Variants in TMEM45B observed in about 807,000 individuals in gnomAD.
TMEM45B encodes the protein transmembrane protein 45B.
A neutral mutation model predicts 27.3 loss-of-function variants in TMEM45B; 29 were observed. The observed-to-expected ratio is 1.06, with a 90% CI of 0.79 to 1.45. The LOEUF is 1.45. Ranked by LOEUF, TMEM45B falls within the 40% of genes most tolerant of loss-of-function variation. The probability of loss-of-function intolerance (pLI) is 0.00; values close to 1 mark genes in which losing one functional copy is unlikely to be tolerated. For synonymous variants in TMEM45B, 143 were observed against 134.7 expected (o/e 1.06, Z -0.43); for missense variants, 348 against 343.9 (o/e 1.01, Z -0.09).
chr11:129,818,766 C>T (rs955808262), intron 1 of TMEM45B, among the ~76,000 whole-genome samples: 1 of 152,176 alleles, frequency 6.6e-6, no homozygotes, highest in Non-Finnish European at 1.5e-5. Flanking sequence ...CATATAATTA[C>T]AAAAATATCT....
chr11:129,818,645 G>C (rs1947380331), intron 1 of TMEM45B, among the ~76,000 whole-genome samples: 1 of 152,194 alleles, frequency 6.6e-6, no homozygotes, highest in Admixed American at 6.5e-5. Flanking sequence ...TTTTGTGATG[G>C]AAGATTGTGA....
intron 4 of TMEM45B, 136 bp from the exon 5 acceptor site, chr11:129,857,177 C>T (rs1280444388): frequency 2.9e-6 from 3 of 1,023,512 alleles, no homozygotes; most frequent in Non-Finnish European, 4.3e-6. Flanking sequence ...TGTGAAAAGG[C>T]CTTTCTATGC....
intron 1 of TMEM45B, among the ~76,000 whole-genome samples, chr11:129,824,745 T>C (rs1947458763): frequency 6.6e-6 from 1 of 152,284 alleles, no homozygotes; most frequent in Admixed American, 6.5e-5. Flanking sequence ...TATGTCACTA[T>C]ATAATTTTAA....
At chr11:129,844,186 A>G (rs971779234) in intron 1 of TMEM45B, among the ~76,000 whole-genome samples, 1 of 152,236 alleles carries the variant, frequency 6.6e-6, no homozygotes, top group Non-Finnish European at 1.5e-5. Context: ...TACTAAGGGA[A>G]ATAAGCCAGA....
chr11:129,833,246 T>TTA (rs1947574203), intron 1 of TMEM45B, among the ~76,000 whole-genome samples: 2 of 99,304 alleles, frequency 2.0e-5, no homozygotes, highest in African/African-American at 6.7e-5. Flanking sequence ...TCTCAAAAAA[T>TTA]AAACAGAAAA....
At chr11:129,827,365 T>C (rs1470096440) in intron 1 of TMEM45B, among the ~76,000 whole-genome samples, 1 of 152,234 alleles carries the variant, frequency 6.6e-6, no homozygotes, top group East Asian at 1.9e-4. Flanking sequence ...TGTTAGCAGA[T>C]GCTGAAGGGA....
rs1226109845 is a variant in TMEM45B, at chr11:129,852,157, CTTTATG to C, written c.-8-311_-8-306del. Among the ~76,000 whole-genome samples the C allele has an allele frequency of 3.3e-5, 5 of 152,274 alleles. No individual in the cohort carries two copies. The East Asian group carries it at 7.7e-4, about 23-fold the overall frequency. On this transcript the variant is annotated intron_variant, in intron 1 of 5. Coordinates refer to ENST00000281441, the MANE Select transcript of TMEM45B (RefSeq NM_138788.5). The stretch of plus-strand genomic sequence containing the variant: ...AACGTTTTTCTTTTCTAGTTCCCCC[CTTTATG>C]TTTATGGCTTGGAAGTTTTCTCTAT...
intron 1 of TMEM45B, among the ~76,000 whole-genome samples, chr11:129,850,869 A>G (rs1423494238): frequency 1.3e-5 from 2 of 152,034 alleles, no homozygotes; most frequent in African/African-American, 2.4e-5. Context: ...TTTTTTCAGC[A>G]CTCACTTCAA....
intron 1 of TMEM45B, among the ~76,000 whole-genome samples, chr11:129,838,647 C>CT (rs1182685006): frequency 6.6e-5 from 10 of 152,054 alleles, no homozygotes; most frequent in Admixed American, 5.9e-4. Flanking sequence ...GTGGTTGGAA[C>CT]TGAGTAGAGG....
chr11:129,848,499 C>T (rs572746516), intron 1 of TMEM45B, among the ~76,000 whole-genome samples: 3 of 148,826 alleles, frequency 2.0e-5, no homozygotes, highest in East Asian at 1.9e-4. Context: ...AAAGGGAGAC[C>T]GTGGAAAGAG....
At chr11:129,844,457 G>A (rs934512096) in intron 1 of TMEM45B, among the ~76,000 whole-genome samples, 18 of 152,286 alleles carry the variant, frequency 1.2e-4, no homozygotes, top group Admixed American at 3.9e-4. Context: ...AGTTTGAGGC[G>A]AGAGAATAGC....
intron 2 of TMEM45B, among the ~76,000 whole-genome samples, chr11:129,854,348 T>C (rs917549306): frequency 6.6e-6 from 1 of 152,162 alleles, no homozygotes; most frequent in African/African-American, 2.4e-5. Flanking sequence ...GTGTGTGTGG[T>C]TGTGTTCATT....
chr11:129,859,645 C>T lies in TMEM45B; in HGVS notation c.*960C>T, dbSNP rs1255238040. 3 of 151,960 alleles carry T rather than the reference C, an allele frequency of 2.0e-5. No homozygotes were observed. The highest frequency in any genetic ancestry group is 4.4e-5 in the Non-Finnish European group (3 of 68,052). 9.4% of individuals were successfully genotyped at this position (151,960 alleles called of 1,614,324 possible). ...ACCATCCTGGCTAACATGGTGAAAC[C>T]CCGTCTCTACTGAAAATACAAAAAA... is the stretch of plus-strand genomic sequence containing the variant. On this transcript the variant is annotated 3_prime_UTR_variant, in exon 6 of 6. Transcript: ENST00000281441.
chr11:129,855,342 G>A (rs1245238636), intron 3 of TMEM45B, among the ~76,000 whole-genome samples: 1 of 151,646 alleles, frequency 6.6e-6, no homozygotes, highest in Non-Finnish European at 1.5e-5. Flanking sequence ...ACTGGGGTAT[G>A]AAAATACATT....
chr11:129,837,777 C>CTTTTTTTTTTTTTT (rs1159669879), intron 1 of TMEM45B, among the ~76,000 whole-genome samples: 1 of 69,026 alleles, frequency 1.4e-5, no homozygotes, highest in Non-Finnish European at 2.5e-5. Context: ...AGGCTAGTTT[C>CTTTTTTTTTTTTTT]TTTTTTTTTT....
chr11:129,819,962 G>A (rs1170706888), intron 1 of TMEM45B, among the ~76,000 whole-genome samples: 7 of 152,068 alleles, frequency 4.6e-5, no homozygotes, highest in Non-Finnish European at 2.9e-5. Flanking sequence ...CACTGTTAAC[G>A]GTGACGGAAC....
At chr11:129,821,844 T>C (rs567411436) in intron 1 of TMEM45B, among the ~76,000 whole-genome samples, 1 of 150,242 alleles carries the variant, frequency 6.7e-6, no homozygotes, top group Non-Finnish European at 1.5e-5. Context: ...TATTTAATGT[T>C]GGGGTGGGTT....
chr11:129,825,786 G>A (rs1947470767), intron 1 of TMEM45B, among the ~76,000 whole-genome samples: 1 of 152,170 alleles, frequency 6.6e-6, no homozygotes, highest in Non-Finnish European at 1.5e-5. Flanking sequence ...CCAAGAGGTG[G>A]AGAAGGCAGA....
At chr11:129,822,461 G>C (rs903345899) in intron 1 of TMEM45B, among the ~76,000 whole-genome samples, 2 of 152,158 alleles carry the variant, frequency 1.3e-5, no homozygotes, top group Non-Finnish European at 2.9e-5. Flanking sequence ...AGCAGAGAAG[G>C]CCTTTTTGAT....
Sources: allele counts gnomAD v4.1 joint callset (sites outside exome capture counted in the v4.1 genomes callset), GRCh38; gene constraint gnomAD v4.1.1; transcripts MANE v1.5; gene names NCBI Gene and HGNC (gene_info 2026-07-23, HGNC 2026-07-21).